The following ARRDC2 variants were observed in gnomAD, a reference collection of about 807,000 sequenced individuals.
ARRDC2 encodes arrestin domain-containing protein 2.
Under a neutral mutation model 38.9 loss-of-function variants are expected in ARRDC2, and 39 were observed. That is an observed-to-expected ratio of 1.00 (90% CI 0.78 to 1.31). ARRDC2 has a LOEUF of 1.31. Among genes scored for constraint, ARRDC2 ranks in the 50% most tolerant of loss-of-function variants. ARRDC2 has a pLI of 0.00. For synonymous variants in ARRDC2, 300 were observed against 261.9 expected (o/e 1.15, Z -1.41); for missense variants, 553 against 588.4 (o/e 0.94, Z 0.62).
At chr19:18,006,873 C>T (rs943051039), upstream of ARRDC2, among the ~76,000 whole-genome samples, 3 of 152,106 alleles carry the variant, frequency 2.0e-5, no homozygotes, top group Non-Finnish European at 4.4e-5. Context: ...CCTACTGTCT[C>T]CCCTCTAGTA....
upstream of ARRDC2, among the ~76,000 whole-genome samples, chr19:18,006,299 G>A (rs888004918): frequency 6.6e-6 from 1 of 151,924 alleles, no homozygotes; most frequent in African/African-American, 2.4e-5. Context: ...AGGTTGTAGC[G>A]AGCCGAGATC....
chr19:18,001,854 C>T (rs1053425705), intron 1 of ARRDC2, among the ~76,000 whole-genome samples: 1 of 152,154 alleles, frequency 6.6e-6, no homozygotes, highest in Non-Finnish European at 1.5e-5. Context: ...GGGAAGATCG[C>T]TTGAGCCTGG....
intron 3 of ARRDC2, 177 bp downstream of exon 3, chr19:18,009,295 C>A: frequency 1.3e-6 from 1 of 780,936 alleles, no homozygotes; most frequent in Non-Finnish European, 2.0e-6. Flanking sequence ...CCGTGTGACT[C>A]TGGGCAAGTG....
intron 3 of ARRDC2, 52 bp from the exon 4 acceptor site, chr19:18,009,540 C>A: frequency 3.3e-6 from 5 of 1,509,326 alleles, no homozygotes. Context: ...TCCACAGCGA[C>A]TGTGGTTTGC....
intron 3 of ARRDC2, 153 bp from the exon 4 acceptor site, chr19:18,009,439 C>A: frequency 1.4e-6 from 1 of 707,828 alleles, no homozygotes; most frequent in Non-Finnish European, 2.4e-6. Flanking sequence ...GGGTTGTGTT[C>A]CTGGCTCTAT....
chr19:18,008,009 C>G (rs559457872), upstream of ARRDC2, among the ~76,000 whole-genome samples: 2 of 152,364 alleles, frequency 1.3e-5, no homozygotes, highest in African/African-American at 4.8e-5. Context: ...AAGGGGGCAG[C>G]CGGCGGTGAG....
chr19:18,004,386 T>G (rs1416167876), upstream of ARRDC2, among the ~76,000 whole-genome samples: 1 of 150,448 alleles, frequency 6.6e-6, no homozygotes, highest in East Asian at 2.1e-4. Context: ...TAGCTGGGAT[T>G]ACAGGCATGC....
In ARRDC2 at chr19:18,009,164, G is replaced by A. The variant is rs755564060; in HGVS notation, c.489+46G>A. On this transcript the variant is annotated intron_variant, in intron 3 of 7. Transcript: ENST00000222250. ...AGGTAGGTTGGGAGTATTGTAGGAA[G>A]GGGCCTGCCTGGCTGCTGGGCGACA... is the stretch of plus-strand genomic sequence containing the variant. 6.2e-6 allele frequency: 10 copies of A among 1,601,260 alleles called. No homozygotes were observed. The East Asian group carries it at 2.3e-4, about 36-fold the overall frequency.
upstream of ARRDC2, chr19:18,007,359 G>A (rs2033300431): frequency 6.6e-6 from 1 of 152,356 alleles, no homozygotes; most frequent in African/African-American, 2.4e-5. Context: ...CAGGCACAAG[G>A]GCTGCGGGGA....
chr19:18,010,599 C>T lies in ARRDC2; in HGVS notation c.1040C>T (p.Ala347Val), dbSNP rs986141021. Residue 347 changes from alanine to valine, a missense_variant, in exon 7 of 8, where the codon GCC becomes GTC. Ala to Val is a moderately conservative substitution (Grantham distance 64). Transcript: ENST00000222250. ...CCTCCTGAGTACTCGGAGGTGGTAG[C>T]CGACACTGAGGAGGCAGCCTTGGGG... ...EAPPEYSEVV[A>V]DTEEAALGQS... 4 of 1,613,712 alleles carry T rather than the reference C, an allele frequency of 2.5e-6. No homozygotes were observed. In the African/African-American group the frequency reaches 5.3e-5, roughly 22 times the overall value.
intron 1 of ARRDC2, 45 bp from the exon 2 acceptor site, chr19:18,008,666 C>T (rs745719754): frequency 9.9e-6 from 16 of 1,608,226 alleles, no homozygotes; most frequent in Non-Finnish European, 1.3e-5. Context: ...AGCCCTGGGA[C>T]CCCAGCGCAA....
At chr19:18,002,538 C>T (rs1211896491) in intron 1 of ARRDC2, among the ~76,000 whole-genome samples, 1 of 152,228 alleles carries the variant, frequency 6.6e-6, no homozygotes, top group Non-Finnish European at 1.5e-5. Flanking sequence ...CTCACTATAC[C>T]CGTCTGTAAA....
upstream of ARRDC2, among the ~76,000 whole-genome samples, chr19:18,004,089 C>T (rs1047341667): frequency 6.8e-6 from 1 of 147,194 alleles, no homozygotes; most frequent in Non-Finnish European, 1.5e-5. Context: ...TCTTTAAATA[C>T]ATAAAAATTG....
chr19:18,008,137 C>CCCCCG, upstream of ARRDC2: 14 of 1,179,358 alleles, frequency 1.2e-5, no homozygotes, highest in South Asian at 1.6e-5. Context: ...CCCCGCCCTG[C>CCCCCG]CGTATAAAAG....
intron 1 of ARRDC2, among the ~76,000 whole-genome samples, chr19:18,002,214 C>G (rs961837128): frequency 6.6e-6 from 1 of 152,336 alleles, no homozygotes; most frequent in Admixed American, 6.5e-5. Flanking sequence ...GGGTCTGCAG[C>G]GCTGAGTTCT....
upstream of ARRDC2, among the ~76,000 whole-genome samples, chr19:18,003,617 CGCTG>C (rs1280134494): frequency 6.7e-6 from 1 of 150,266 alleles, no homozygotes. Flanking sequence ...CCCGCCAACA[CGCTG>C]GCTAATTTTT....
intron 1 of ARRDC2, 40 bp from the exon 2 acceptor site, chr19:18,008,671 G>A (rs2033336043): frequency 6.2e-7 from 1 of 1,609,544 alleles, no homozygotes; most frequent in Admixed American, 1.7e-5. Context: ...TGGGACCCCA[G>A]CGCAACCGCT....
chr19:18,001,950 C>A (rs1358583239), intron 1 of ARRDC2, among the ~76,000 whole-genome samples: 2 of 152,176 alleles, frequency 1.3e-5, no homozygotes, highest in Non-Finnish European at 2.9e-5. Context: ...CCCCACTAAC[C>A]GGGAACGTCT....
exon 1 of ARRDC2, chr19:18,001,149 G>T (rs1406075159): frequency 1.2e-5 from 9 of 737,278 alleles, no homozygotes; most frequent in South Asian, 6.6e-5. Context: ...GTTCGCCGAC[G>T]ACGCGCCCGC....
Sources: allele counts gnomAD v4.1 joint callset (sites outside exome capture counted in the v4.1 genomes callset), GRCh38; gene constraint gnomAD v4.1.1; transcripts MANE v1.5; gene names NCBI Gene and HGNC (gene_info 2026-07-23, HGNC 2026-07-21).